Variants in B4GALT1 observed in about 807,000 individuals in gnomAD.
The protein encoded by B4GALT1 is beta-1,4-galactosyltransferase 1.
A neutral mutation model predicts 34.9 loss-of-function variants in B4GALT1; 16 were observed. The observed-to-expected ratio is 0.46, with a 90% CI of 0.31 to 0.70. The LOEUF is 0.70. Ranked by LOEUF, B4GALT1 falls within the 30% of genes least tolerant of loss-of-function variation. The probability of loss-of-function intolerance (pLI) is 0.05; values close to 1 mark genes in which losing one functional copy is unlikely to be tolerated. For synonymous variants in B4GALT1, 221 were observed against 218.1 expected, an observed-to-expected ratio of 1.01 and a Z score of -0.12; for missense variants, 445 against 530.5, an observed-to-expected ratio of 0.84 and a Z score of 1.58.
intron 2 of B4GALT1, among the ~76,000 whole-genome samples, chr9:33,128,757 G>C (rs1840149459): frequency 6.6e-6 from 1 of 152,152 alleles, no homozygotes; most frequent in South Asian, 2.1e-4. Flanking sequence ...AGATGATCAA[G>C]ATAGAAACCA....
Position 33,135,393 on chromosome 9 carries a change from AG to A in B4GALT1, c.443del (p.Pro148LeufsTer14). On this transcript the variant is annotated frameshift_variant, in exon 2 of 6. Transcript: ENST00000379731. LOFTEE classifies it high-confidence loss of function. ...VGPMLIEFNM[P>X]VDLELVAKQN... ...GCTTTGCCACGAGCTCCAGGTCCAC[AG>A]GCATGTTAAACTCAATCAGCATGGG... 2.5e-6 allele frequency: 4 copies of A among 1,614,158 alleles called. No homozygotes were observed. Among genetic ancestry groups the A allele is most frequent in the Non-Finnish European group, 3.4e-6 (4 of 1,180,032 alleles).
At chr9:33,183,658 G>A in the B4GALT1 span, among the ~76,000 whole-genome samples, 6 of 142,920 alleles carry the variant, frequency 4.2e-5, no homozygotes, top group Non-Finnish European at 6.1e-5. Flanking sequence ...GGGAGGGATA[G>A]CATTGGGAGA....
chr9:33,182,266 T>C, the B4GALT1 span, among the ~76,000 whole-genome samples: 1 of 152,256 alleles, frequency 6.6e-6, no homozygotes. Flanking sequence ...CTCCTGTTGA[T>C]GTGTCCTCTC....
intron 3 of B4GALT1, among the ~76,000 whole-genome samples, 185 bp downstream of exon 3, chr9:33,120,234 G>A (rs1182755248): frequency 6.6e-6 from 1 of 151,856 alleles, no homozygotes; most frequent in Non-Finnish European, 1.5e-5. Context: ...TTGTCTGGAT[G>A]TGCAGAGACT....
intron 3 of B4GALT1, among the ~76,000 whole-genome samples, chr9:33,116,968 G>C (rs1564036637): frequency 6.6e-6 from 1 of 152,186 alleles, no homozygotes; most frequent in Non-Finnish European, 1.5e-5. Flanking sequence ...ACAACACAGT[G>C]CTGTTTCTGT....
chr9:33,152,467 T>C (rs1168390855), intron 1 of B4GALT1, among the ~76,000 whole-genome samples: 1 of 125,342 alleles, frequency 8.0e-6, no homozygotes, highest in African/African-American at 3.1e-5. Flanking sequence ...AAATCCACAA[T>C]ATAAAAAGCT....
intron 2 of B4GALT1, among the ~76,000 whole-genome samples, chr9:33,105,508 T>C (rs1216246155): frequency 6.6e-6 from 1 of 152,192 alleles, no homozygotes; most frequent in Non-Finnish European, 1.5e-5. Context: ...AGAGTGCCAA[T>C]GTAAAGTTCT....
intron 2 of B4GALT1, among the ~76,000 whole-genome samples, chr9:33,127,267 G>A (rs769943176): frequency 1.3e-5 from 2 of 152,180 alleles, no homozygotes; most frequent in Non-Finnish European, 2.9e-5. Context: ...CCAGCCAGAG[G>A]AGACAATTTT....
chr9:33,129,845 G>C (rs187061601), intron 2 of B4GALT1, among the ~76,000 whole-genome samples: 3 of 152,148 alleles, frequency 2.0e-5, no homozygotes, highest in South Asian at 4.1e-4. Context: ...GCACACAGAG[G>C]GGAGAACAGA....
chr9:33,175,532 C>T, the B4GALT1 span, among the ~76,000 whole-genome samples: 1 of 152,118 alleles, frequency 6.6e-6, no homozygotes, highest in Non-Finnish European at 1.5e-5. Flanking sequence ...AACAACATTT[C>T]AGTCAACAAT....
intron 3 of B4GALT1, 140 bp from the exon 4 acceptor site, chr9:33,116,253 G>C: frequency 9.0e-7 from 1 of 1,108,722 alleles, no homozygotes; most frequent in Non-Finnish European, 1.2e-6. Context: ...TTTTTTTTGA[G>C]ACGTAGTCTT....
chr9:33,137,482 G>A (rs1410855759), intron 1 of B4GALT1, among the ~76,000 whole-genome samples: 2 of 152,164 alleles, frequency 1.3e-5, no homozygotes, highest in Non-Finnish European at 2.9e-5. Context: ...AAGACTGCCT[G>A]CTGAGCCAGC....
At chr9:33,150,233 T>C (rs868659947) in intron 1 of B4GALT1, among the ~76,000 whole-genome samples, 1 of 138,132 alleles carries the variant, frequency 7.2e-6, no homozygotes, top group South Asian at 2.4e-4. Flanking sequence ...TACAGGTAGA[T>C]ACACACACAC....
chr9:33,131,781 A>C (rs890316709), intron 2 of B4GALT1, among the ~76,000 whole-genome samples: 1 of 152,246 alleles, frequency 6.6e-6, no homozygotes, highest in Non-Finnish European at 1.5e-5. Context: ...ATATAACCAT[A>C]AAACAGATAA....
intron 2 of B4GALT1, among the ~76,000 whole-genome samples, chr9:33,124,066 C>T (rs539693478): frequency 6.6e-6 from 1 of 152,332 alleles, no homozygotes; most frequent in South Asian, 2.1e-4. Flanking sequence ...CGTGGGTACA[C>T]CAGGCCAGCA....
chr9:33,113,376 A>G lies in B4GALT1; in HGVS notation c.*78T>C, dbSNP rs1839891879. 12 of 1,604,734 alleles carry G rather than the reference A, an allele frequency of 7.5e-6. No individual in the cohort carries two copies. Among genetic ancestry groups the G allele is most frequent in the Non-Finnish European group, 1.0e-5 (12 of 1,172,562 alleles). ...ACTCAGACTGGTAAAAATGAGAGGGACCAGCCCAGCAGATTGGCAGAGACA... is the reference window on the plus strand; with the variant it reads ...ACTCAGACTGGTAAAAATGAGAGGGGCCAGCCCAGCAGATTGGCAGAGACA... On this transcript the variant is annotated 3_prime_UTR_variant, in exon 6 of 6. Coordinates refer to ENST00000379731, the MANE Select transcript of B4GALT1 (RefSeq NM_001497.4).
chr9:33,144,838 T>A (rs1840402377), intron 1 of B4GALT1, among the ~76,000 whole-genome samples: 1 of 152,210 alleles, frequency 6.6e-6, no homozygotes, highest in South Asian at 2.1e-4. Flanking sequence ...CATTCCTTTC[T>A]ATGCTGGGAC....
chr9:33,174,986 AAAAAATATATAT>A, the B4GALT1 span, among the ~76,000 whole-genome samples: 3 of 11,802 alleles, frequency 2.5e-4, no homozygotes, highest in Non-Finnish European at 3.6e-4. Context: ...AAAAAAAAAA[AAAAAATATATAT>A]ATATATATAT....
At chr9:33,184,287 C>CAAAA in the B4GALT1 span, among the ~76,000 whole-genome samples, 1 of 142,678 alleles carries the variant, frequency 7.0e-6, no homozygotes, top group African/African-American at 2.5e-5. Context: ...CACACACACA[C>CAAAA]AAAAACATAG....
Sources: gnomAD v4.1 joint callset for allele counts (sites outside exome capture counted in the v4.1 genomes callset) on GRCh38, gnomAD v4.1.1 for gene constraint, MANE v1.5 for transcripts, NCBI Gene and HGNC (gene_info 2026-07-23, HGNC 2026-07-21) for gene names.